PCDHGB2: variants seen among roughly 807,000 people sequenced by gnomAD.
The protein encoded by PCDHGB2 is protocadherin gamma-B2.
PCDHGB2 carries 55 observed loss-of-function variants against 59.3 expected under a neutral mutation model. The ratio of observed to expected loss-of-function variants is 0.93; its 90% confidence interval spans 0.75 to 1.16. The LOEUF is 1.16. Among genes scored for constraint, PCDHGB2 ranks in the 50% most tolerant of loss-of-function variants. The pLI is 0.00. For missense variants in PCDHGB2, 1,228 were observed against 1,198.5 expected (o/e 1.02, Z -0.36); for synonymous variants, 516 against 512.0 (o/e 1.01, Z -0.11).
rs779542409 is a variant in PCDHGB2, at chr5:141,392,788, T to G, written c.2421+30232T>G. The G allele has an allele frequency of 3.9e-6, 6 of 1,553,762 alleles. No individual in the cohort carries two copies. The East Asian group carries it at 1.1e-4, about 30-fold the overall frequency. On this transcript the variant is annotated intron_variant, in intron 1 of 3. Coordinates refer to ENST00000522605, the MANE Select transcript of PCDHGB2 (RefSeq NM_018923.3). ...ACCCATTTATGCACAGTGAAGATTC[T>G]GAGAGGATTCTGCAGCAAAACAACA...
chr5:141,370,843 C>A (rs765653454), intron 1 of PCDHGB2: 1 of 1,614,052 alleles, frequency 6.2e-7, no homozygotes, highest in South Asian at 1.1e-5. Flanking sequence ...CTCACTGGAG[C>A]CACATTTGCC....
intron 1 of PCDHGB2, chr5:141,414,601 T>A: frequency 6.2e-7 from 1 of 1,613,944 alleles, no homozygotes; most frequent in Non-Finnish European, 8.5e-7. Flanking sequence ...TGCCTCCATC[T>A]TCTCAGTGAC....
Position 141,476,901 on chromosome 5 carries a change from G to A in PCDHGB2, c.2422-17906G>A, listed in dbSNP as rs1466086788. The A allele has an allele frequency of 1.9e-6, 3 of 1,613,782 alleles. No individual in the cohort carries two copies. The African/African-American group carries it at 4.0e-5, about 22-fold the overall frequency. On this transcript the variant is annotated intron_variant, in intron 1 of 3. Coordinates refer to ENST00000522605, the MANE Select transcript of PCDHGB2 (RefSeq NM_018923.3). The surrounding 1 kb of genome is among the most constrained non-coding windows in gnomAD (Gnocchi z 7.6). ...CTGGAGGATGCACCCTCCGGCACGC[G>A]CGTGGTACAAGTCCTTGCAACGGAT...
At chr5:141,376,154 C>T (rs1425376305) in intron 1 of PCDHGB2, 11 of 1,614,032 alleles carry the variant, frequency 6.8e-6, no homozygotes, top group Middle Eastern at 1.7e-4. Flanking sequence ...GGACCTCACT[C>T]TGTACCTGGT....
rs1562052190 is a variant in PCDHGB2, at chr5:141,476,218, CTA to C, written c.2422-18587_2422-18586del. The C allele has an allele frequency of 6.2e-7, 1 of 1,613,984 alleles. No individual in the cohort carries two copies. The highest frequency in any genetic ancestry group is 8.5e-7 in the Non-Finnish European group (1 of 1,180,024). ...TGAACAAGGCTTCCACGGTCATTCA[CTA>C]TGAGATCCCGGAGGAAAGAGAGAAG... On this transcript the variant is annotated intron_variant, in intron 1 of 3. Coordinates refer to ENST00000522605, the MANE Select transcript of PCDHGB2 (RefSeq NM_018923.3). This position sits in a 1 kb window ranked among gnomAD's most constrained non-coding sequence, Gnocchi z 7.6.
In PCDHGB2 at chr5:141,364,672, GAAA is replaced by G. The variant is rs1433905391; in HGVS notation, c.2421+2118_2421+2120del. On this transcript the variant is annotated intron_variant, in intron 1 of 3. Coordinates refer to ENST00000522605, the MANE Select transcript of PCDHGB2 (RefSeq NM_018923.3). ...TTAACATCTTGGTTGAGAACAAAAT[GAAA>G]ATTTATGGAGTAGAAGTAGAAATAA... 6 of 1,613,908 alleles carry G rather than the reference GAAA, an allele frequency of 3.7e-6. No individual in the cohort carries two copies. In the African/African-American group the frequency reaches 6.7e-5, roughly 18 times the overall value.
chr5:141,394,528 C>A (rs1465272752), intron 1 of PCDHGB2: 1 of 1,614,214 alleles, frequency 6.2e-7, no homozygotes, highest in Non-Finnish European at 8.5e-7. Flanking sequence ...ACAGACGGTT[C>A]CACTGGCGTG....
intron 1 of PCDHGB2, chr5:141,423,809 GT>G (rs1484832928): frequency 7.9e-7 from 1 of 1,259,912 alleles, no homozygotes; most frequent in African/African-American, 1.6e-5. Context: ...ATACATGTGA[GT>G]TTTACTTTGC....
rs887814386 is a variant in PCDHGB2, at chr5:141,431,347, G to A, written c.2422-63460G>A. The A allele has an allele frequency of 1.9e-6, 3 of 1,614,098 alleles. No individual in the cohort carries two copies. The highest frequency in any genetic ancestry group is 2.5e-6 in the Non-Finnish European group (3 of 1,180,036). On this transcript the variant is annotated intron_variant, in intron 1 of 3. Coordinates refer to ENST00000522605, the MANE Select transcript of PCDHGB2 (RefSeq NM_018923.3). This position sits in a 1 kb window ranked among gnomAD's most constrained non-coding sequence, Gnocchi z 4.8. ...GTAGTAAGTACCCCGAATTGGTGCT[G>A]AAACGCGCCCTGGACCGCGAAGAAA...
At position 141,490,516 on chromosome 5, in the gene PCDHGB2, G is replaced by T. The variant is rs768123119; in HGVS notation, c.2422-4291G>T. The T allele has an allele frequency of 6.2e-7, 1 of 1,613,828 alleles. No individual in the cohort carries two copies. The highest frequency in any genetic ancestry group is 2.2e-5 in the East Asian group (1 of 44,864). On this transcript the variant is annotated intron_variant, in intron 1 of 3. Transcript: ENST00000522605. This position sits in a 1 kb window ranked among gnomAD's most constrained non-coding sequence, Gnocchi z 5.4. ...ATCCCACTATATCATCGAGCTGCTG[G>T]CCAGCGATGCTGGTTCACCTTCCCT... is the stretch of plus-strand genomic sequence containing the variant.
At chr5:141,362,716 C>G (rs1286342782) in intron 1 of PCDHGB2, 160 bp downstream of exon 1, 6 of 905,252 alleles carry the variant, frequency 6.6e-6, no homozygotes, top group Non-Finnish European at 9.7e-6. Flanking sequence ...TGTTTTCTCT[C>G]TGAAGTGTGA....
At chr5:141,372,231 G>T (rs868293386) in intron 1 of PCDHGB2, 3 of 1,613,374 alleles carry the variant, frequency 1.9e-6, no homozygotes, top group Middle Eastern at 3.3e-4. Context: ...GCAGGCCAGC[G>T]AGCCCGGGCT....
chr5:141,364,720 CCCG>C, intron 1 of PCDHGB2: 3 of 1,613,946 alleles, frequency 1.9e-6, no homozygotes, highest in Non-Finnish European at 2.5e-6. Context: ...ATGATAACTT[CCCG>C]CGTTTCCGGG....
At chr5:141,392,644 A>C in intron 1 of PCDHGB2, 1 of 663,560 alleles carries the variant, frequency 1.5e-6, no homozygotes, top group Non-Finnish European at 2.4e-6. Flanking sequence ...CACCTCACGA[A>C]GACCCGCAGA....
rs768206517 is a variant in PCDHGB2, at chr5:141,432,482, G to A, written c.2422-62325G>A. 10 of 1,614,060 alleles carry A rather than the reference G, an allele frequency of 6.2e-6. No homozygotes were observed. The highest frequency in any genetic ancestry group is 1.3e-5 in the African/African-American group (1 of 74,946). On this transcript the variant is annotated intron_variant, in intron 1 of 3. Coordinates refer to ENST00000522605, the MANE Select transcript of PCDHGB2 (RefSeq NM_018923.3). The surrounding 1 kb of genome is among the most constrained non-coding windows in gnomAD (Gnocchi z 6.0). ...CCTCCCCACGGACGGTTCCACTGGC[G>A]TGGAGCTGGCTCCCCGCTCCGCAGA...
At chr5:141,508,700 CCT>C in intron 3 of PCDHGB2, among the ~76,000 whole-genome samples, 1 of 152,158 alleles carries the variant, frequency 6.6e-6, no homozygotes, top group Non-Finnish European at 1.5e-5. Flanking sequence ...CCGTGTTCCT[CCT>C]CATTCTTTTC....
At chr5:141,410,479 G>A in intron 1 of PCDHGB2, 2 of 1,613,956 alleles carry the variant, frequency 1.2e-6, no homozygotes, top group Non-Finnish European at 1.7e-6. Flanking sequence ...TTGCACATAC[G>A]GGTACAAAAG....
chr5:141,413,014 A>T, intron 1 of PCDHGB2: 1 of 663,842 alleles, frequency 1.5e-6, no homozygotes, highest in Non-Finnish European at 2.4e-6. Context: ...CTTCAACTAC[A>T]CAAGCCCCAC....
At chr5:141,450,004 C>CTTTAT (rs2098662217) in intron 1 of PCDHGB2, among the ~76,000 whole-genome samples, 1 of 75,148 alleles carries the variant, frequency 1.3e-5, no homozygotes, top group Non-Finnish European at 2.3e-5. Flanking sequence ...GTTGCCATGT[C>CTTTAT]TCTTTTTTTT....
Sources: allele counts gnomAD v4.1 joint callset (sites outside exome capture counted in the v4.1 genomes callset), GRCh38; gene constraint gnomAD v4.1.1; non-coding constraint Gnocchi (gnomAD v3.1); transcripts MANE v1.5; gene names NCBI Gene and HGNC (gene_info 2026-07-23, HGNC 2026-07-21).